SLC18A2: variants seen among roughly 807,000 people sequenced by gnomAD.
The protein encoded by SLC18A2 is solute carrier family 18 member A2.
A neutral mutation model predicts 59.2 loss-of-function variants in SLC18A2; 33 were observed. That is an observed-to-expected ratio of 0.56 (90% CI 0.42 to 0.75). The LOEUF (loss-of-function observed/expected upper bound fraction) is 0.75. SLC18A2 is among the 30% of genes least tolerant of loss of function. The pLI is 0.00. For missense variants in SLC18A2, 569 were observed against 668.6 expected, an observed-to-expected ratio of 0.85 and a Z score of 1.64; for synonymous variants, 228 against 253.5, an observed-to-expected ratio of 0.90 and a Z score of 0.95.
chr10:117,273,951 T>C (rs1485106932), intron 15 of SLC18A2, among the ~76,000 whole-genome samples: 1 of 152,150 alleles, frequency 6.6e-6, no homozygotes, highest in Non-Finnish European at 1.5e-5. Flanking sequence ...CAAATGCCAA[T>C]CCTCTCCTAT....
chr10:117,258,782 T>G (rs1183025905), intron 10 of SLC18A2, among the ~76,000 whole-genome samples: 1 of 151,138 alleles, frequency 6.6e-6, no homozygotes, highest in East Asian at 1.9e-4. Flanking sequence ...TTTTTTTTTT[T>G]TTGAGACAAA....
intron 10 of SLC18A2, among the ~76,000 whole-genome samples, chr10:117,260,324 T>C (rs886821708): frequency 1.3e-5 from 2 of 152,260 alleles, no homozygotes; most frequent in East Asian, 1.9e-4. Flanking sequence ...ACCTTCACAG[T>C]ACCCGAAGCT....
chr10:117,250,988 AGT>A (rs567431232), intron 3 of SLC18A2, among the ~76,000 whole-genome samples: 259 of 152,248 alleles, frequency 1.7e-3, no homozygotes, highest in Non-Finnish European at 2.7e-3. Flanking sequence ...GAAACCACCC[AGT>A]GTTTCTGCCT....
intron 15 of SLC18A2, among the ~76,000 whole-genome samples, chr10:117,274,079 C>A (rs1022139156): frequency 6.6e-6 from 1 of 152,234 alleles, no homozygotes; most frequent in African/African-American, 2.4e-5. Context: ...GGGCACCTGA[C>A]TGACCTGCTT....
In SLC18A2 at chr10:117,277,715, G is replaced by C. The variant is rs1398541691; in HGVS notation, c.*449G>C. On this transcript the variant is annotated 3_prime_UTR_variant, in exon 16 of 16. Transcript: ENST00000644641. ...AATGAAGTCTGAAAAACAGAATCAAGTAAGACAGCATGTTATATAGTGACA... is the reference window on the plus strand; with the variant it reads ...AATGAAGTCTGAAAAACAGAATCAACTAAGACAGCATGTTATATAGTGACA... 1 of 152,364 alleles carries C rather than the reference G, an allele frequency of 6.6e-6. No individual in the cohort carries two copies. Among genetic ancestry groups the C allele is most frequent in the African/African-American group, 2.4e-5 (1 of 41,424 alleles). The allele number at this position is 152,364 out of a possible 1,614,324, so 9.4% of individuals were successfully genotyped here.
intron 2 of SLC18A2, among the ~76,000 whole-genome samples, chr10:117,242,682 TTA>T (rs1438712966): frequency 6.6e-6 from 1 of 152,246 alleles, no homozygotes; most frequent in Non-Finnish European, 1.5e-5. Context: ...ACAGCTTCGA[TTA>T]TATGTTTCAC....
intron 10 of SLC18A2, among the ~76,000 whole-genome samples, chr10:117,262,981 C>A (rs904929522): frequency 6.6e-6 from 1 of 152,176 alleles, no homozygotes; most frequent in South Asian, 2.1e-4. Flanking sequence ...CCATCAGGGG[C>A]AGATAGCAGA....
chr10:117,241,661 C>T lies in SLC18A2; in HGVS notation c.-15-18C>T, dbSNP rs1277957185. The T allele has an allele frequency of 8.4e-6, 13 of 1,546,568 alleles. No homozygotes were observed. The highest frequency in any genetic ancestry group is 1.4e-5 in the African/African-American group (1 of 71,970). Reference sequence around the variant, plus strand: ...GTCCACGGCCGCCTTGGGTCCTCACCGCGCACCGCGCCCGCAGCGGAGCCC... The same window carrying T: ...GTCCACGGCCGCCTTGGGTCCTCACTGCGCACCGCGCCCGCAGCGGAGCCC... On this transcript the variant is annotated intron_variant, in intron 1 of 15. Coordinates refer to ENST00000644641, the MANE Select transcript of SLC18A2 (RefSeq NM_003054.6).
intron 10 of SLC18A2, among the ~76,000 whole-genome samples, chr10:117,265,816 G>A (rs1182015664): frequency 1.3e-5 from 2 of 152,212 alleles, no homozygotes; most frequent in Non-Finnish European, 2.9e-5. Context: ...GAGGCCGGAC[G>A]TGGTGGCTCA....
rs767337086 is a variant in SLC18A2, at chr10:117,255,286, C to A, written c.710C>A (p.Pro237His). Residue 237 changes from proline to histidine, a missense_variant, in exon 7 of 16, where the codon CCC becomes CAC. Pro to His is a moderately conservative substitution (Grantham distance 77). Coordinates refer to ENST00000644641, the MANE Select transcript of SLC18A2 (RefSeq NM_003054.6). ...GLAMGVLVGP[P>H]FGSVLYEFVG... Reference sequence around the variant, plus strand: ...CTTTCTCTCCCTGCAGTGGGCCCCCCCTTCGGGAGTGTGCTCTATGAGTTT... The same window carrying A: ...CTTTCTCTCCCTGCAGTGGGCCCCCACTTCGGGAGTGTGCTCTATGAGTTT... The A allele has an allele frequency of 3.8e-5, 61 of 1,614,084 alleles. No individual in the cohort carries two copies. Among genetic ancestry groups the A allele is most frequent in the Non-Finnish European group, 4.7e-5 (55 of 1,180,034 alleles).
At chr10:117,255,441 C>G (rs768038492) in intron 7 of SLC18A2, 38 bp from the exon 8 acceptor site, 13 of 1,614,032 alleles carry the variant, frequency 8.1e-6, no homozygotes, top group Non-Finnish European at 1.0e-5. Context: ...CACCTGCTTT[C>G]TGAAGAGGGG....
intron 10 of SLC18A2, among the ~76,000 whole-genome samples, chr10:117,265,832 G>A (rs1241839727): frequency 6.6e-6 from 1 of 152,234 alleles, no homozygotes; most frequent in Non-Finnish European, 1.5e-5. Flanking sequence ...GCTCACGCCT[G>A]TAATCCCAGC....
At chr10:117,247,409 A>G (rs1422676308) in intron 3 of SLC18A2, among the ~76,000 whole-genome samples, 4 of 152,216 alleles carry the variant, frequency 2.6e-5, no homozygotes, top group Non-Finnish European at 5.9e-5. Context: ...AGCATTTACC[A>G]CAACAGTGGC....
At chr10:117,241,471 C>A (rs1248819586) in intron 1 of SLC18A2, among the ~76,000 whole-genome samples, 1 of 152,076 alleles carries the variant, frequency 6.6e-6, no homozygotes, top group Admixed American at 6.5e-5. Context: ...CAGATTGGGT[C>A]CCCGACGGCG....
chr10:117,243,864 G>A (rs1487556942), intron 2 of SLC18A2, 107 bp from the exon 3 acceptor site: 4 of 839,952 alleles, frequency 4.8e-6, no homozygotes, highest in Non-Finnish European at 7.4e-6. Context: ...GGAATTACAG[G>A]TGTGAGCCAC....
At chr10:117,271,329 T>C (rs968216999) in intron 15 of SLC18A2, among the ~76,000 whole-genome samples, 4 of 152,214 alleles carry the variant, frequency 2.6e-5, no homozygotes, top group African/African-American at 9.6e-5. Context: ...TGGAAGTACA[T>C]CAGAAGGTCT....
At position 117,270,451 on chromosome 10, in the gene SLC18A2, A is replaced by C; in HGVS notation, c.1428A>C (p.Lys476Asn). The C allele has an allele frequency of 6.2e-7, 1 of 1,613,710 alleles. No individual in the cohort carries two copies. The highest frequency in any genetic ancestry group is 8.5e-7 in the Non-Finnish European group (1 of 1,179,960). The change falls in exon 15 of 16, where the codon AAA becomes AAC. Residue 476 changes from lysine (K) to asparagine (N), a missense_variant. Coordinates refer to ENST00000644641, the MANE Select transcript of SLC18A2 (RefSeq NM_003054.6). ...LCFFLRSPPAKEEKMAILMDH... is the reference protein window; with the variant it reads ...LCFFLRSPPANEEKMAILMDH... The stretch of plus-strand genomic sequence containing the variant: ...TTTTTCTTCGAAGTCCACCTGCCAA[A>C]GAAGAAAAAATGGTAAGAAAAATTT...
chr10:117,262,585 C>T lies in SLC18A2; in HGVS notation c.992-4148C>T, dbSNP rs138392657. 6.5e-3 allele frequency among the ~76,000 whole-genome samples: 987 copies of T among 152,090 alleles called. 9 individuals carry two copies. The highest frequency in any genetic ancestry group is 0.022 in the African/African-American group (929 of 41,478). ...TGGATCTCTCGGTGTTTTCAGGAGG[C>T]GCCCGCTGTCCAAGTGGGGTGTGCA... On this transcript the variant is annotated intron_variant, in intron 10 of 15. Coordinates refer to ENST00000644641, the MANE Select transcript of SLC18A2 (RefSeq NM_003054.6).
intron 9 of SLC18A2, among the ~76,000 whole-genome samples, chr10:117,256,925 A>G (rs571239486): frequency 6.6e-6 from 1 of 152,312 alleles, no homozygotes; most frequent in African/African-American, 2.4e-5. Context: ...CAGGAGACAC[A>G]AAGATGCTAC....
Sources: allele counts gnomAD v4.1 joint callset (sites outside exome capture counted in the v4.1 genomes callset), GRCh38; gene constraint gnomAD v4.1.1; transcripts MANE v1.5; gene names NCBI Gene and HGNC (gene_info 2026-07-23, HGNC 2026-07-21).